Variants in FGD5 observed in about 807,000 individuals in gnomAD.
FGD5 encodes the protein FYVE, RhoGEF and PH domain containing 5.
Under a neutral mutation model 133.4 loss-of-function variants are expected in FGD5, and 28 were observed. The ratio of observed to expected loss-of-function variants is 0.21; its 90% CI spans 0.16 to 0.29. FGD5 has a LOEUF of 0.29. Ranked by LOEUF, FGD5 falls within the 10% of genes least tolerant of loss-of-function variation. FGD5 has a pLI of 1.00. For synonymous variants in FGD5, 810 were observed against 776.5 expected, an observed-to-expected ratio of 1.04 and a Z score of -0.72; for missense variants, 1,858 against 1,895.2, an observed-to-expected ratio of 0.98 and a Z score of 0.36.
At chr3:14,918,892 C>T (rs1575258263) in intron 13 of FGD5, 59 bp downstream of exon 13, 19 of 1,558,066 alleles carry the variant, frequency 1.2e-5, no homozygotes, top group Non-Finnish European at 1.8e-6. Flanking sequence ...TGGGAAGGTT[C>T]AGAACAACAG....
chr3:14,860,946 T>C (rs751590495), intron 1 of FGD5, among the ~76,000 whole-genome samples: 21 of 152,090 alleles, frequency 1.4e-4, no homozygotes, highest in Non-Finnish European at 2.9e-4. Context: ...ACCAGTGCAC[T>C]CCAGCTCAGG....
chr3:14,923,472 T>G, intron 16 of FGD5: 1 of 405,998 alleles, frequency 2.5e-6, no homozygotes, highest in Non-Finnish European at 4.6e-6. Context: ...GAGGCCCTCT[T>G]GTCAAGTATC....
chr3:14,854,022 C>T (rs1192442914), intron 1 of FGD5, among the ~76,000 whole-genome samples: 1 of 102,738 alleles, frequency 9.7e-6, no homozygotes, highest in Non-Finnish European at 2.1e-5. Context: ...TCAGAGCTGG[C>T]CAGAAAGGAC....
rs936826781 is a variant in FGD5, at chr3:14,898,115, G to A, written c.3066+20G>A. The stretch of plus-strand genomic sequence containing the variant: ...TTTGAGGTGGGTCCCTTGGTCCTCT[G>A]AGACCCTGCTGTAAGGATGCAGGGG... On this transcript the variant is annotated intron_variant, in intron 6 of 19. Transcript: ENST00000285046. The A allele has an allele frequency of 3.1e-6, 5 of 1,613,748 alleles. No individual in the cohort carries two copies. In the Admixed American group the frequency reaches 6.7e-5, roughly 22 times the overall value.
chr3:14,825,567 T>A (rs192718981), intron 1 of FGD5, among the ~76,000 whole-genome samples: 1 of 152,152 alleles, frequency 6.6e-6, no homozygotes, highest in Non-Finnish European at 1.5e-5. Context: ...GGAGGATCAC[T>A]TGAGCTAGGA....
Position 14,898,685 on chromosome 3 carries a change from G to A in FGD5, c.3067-54G>A, listed in dbSNP as rs1028361525. ...GTGTATATGGGCTGCTGTGAGCATG[G>A]TGCCTTCAGGAGGGGTTTCTGATAA... On this transcript the variant is annotated intron_variant, in intron 6 of 19. Coordinates refer to ENST00000285046, the MANE Select transcript of FGD5 (RefSeq NM_152536.4). The A allele has an allele frequency of 1.3e-5, 19 of 1,438,526 alleles. No individual in the cohort carries two copies. In the African/African-American group the frequency reaches 2.1e-4, roughly 16 times the overall value. 89.1% of individuals were successfully genotyped at this position (1,438,526 alleles called of 1,614,324 possible). A position where few individuals can be genotyped will look rare whatever the true frequency, so the allele number is the denominator to read the frequency against.
At chr3:14,855,106 C>T (rs2037253330) in intron 1 of FGD5, among the ~76,000 whole-genome samples, 1 of 152,164 alleles carries the variant, frequency 6.6e-6, no homozygotes. Context: ...TGAGTGAGAA[C>T]ATGCAGTGTT....
At chr3:14,918,997 T>C (rs2038619263) in intron 13 of FGD5, among the ~76,000 whole-genome samples, 164 bp downstream of exon 13, 1 of 152,206 alleles carries the variant, frequency 6.6e-6, no homozygotes, top group African/African-American at 2.4e-5. Context: ...TCTTAACCTT[T>C]TGGGGAATTT....
rs541675257 is a variant in FGD5 at position 14,853,072 on chromosome 3, C to G, written c.2526-11056C>G. On this transcript the variant is annotated intron_variant, in intron 1 of 19. Coordinates refer to ENST00000285046, the MANE Select transcript of FGD5 (RefSeq NM_152536.4). ...AGGGTTTCCTGAGGAATCCAGGACC[C>G]CCAGTCCTCTTGGGCTGTTTCCACA... Among the ~76,000 whole-genome samples, 34 of 151,966 alleles carry G rather than the reference C, an allele frequency of 2.2e-4. No individual in the cohort carries two copies. The East Asian group carries it at 6.4e-3, about 28-fold the overall frequency.
intron 1 of FGD5, among the ~76,000 whole-genome samples, chr3:14,852,671 C>G (rs1329585287): frequency 6.6e-6 from 1 of 152,158 alleles, no homozygotes; most frequent in African/African-American, 2.4e-5. Flanking sequence ...GTGGGGATGT[C>G]TCTGGTCAGA....
chr3:14,893,670 A>G (rs1034939686), intron 4 of FGD5, among the ~76,000 whole-genome samples: 7 of 150,662 alleles, frequency 4.6e-5, no homozygotes, highest in African/African-American at 9.8e-5. Context: ...TTCAAAATGT[A>G]TAGTCCATTA....
intron 1 of FGD5, among the ~76,000 whole-genome samples, chr3:14,837,256 T>G (rs961288662): frequency 6.6e-6 from 1 of 152,204 alleles, no homozygotes; most frequent in African/African-American, 2.4e-5. Flanking sequence ...AATAGGAGGC[T>G]GCTGTCTCCA....
chr3:14,885,560 G>C (rs1046800835), intron 4 of FGD5, among the ~76,000 whole-genome samples: 1 of 152,222 alleles, frequency 6.6e-6, no homozygotes, highest in African/African-American at 2.4e-5. Context: ...TCACACATCA[G>C]GTGGTTGAGG....
At chr3:14,867,528 A>G (rs1198091138) in intron 2 of FGD5, among the ~76,000 whole-genome samples, 1 of 152,190 alleles carries the variant, frequency 6.6e-6, no homozygotes, top group Non-Finnish European at 1.5e-5. Flanking sequence ...GAGCAGGCAT[A>G]TTTTAAATCT....
At chr3:14,871,141 C>T (rs1383722583) in intron 2 of FGD5, among the ~76,000 whole-genome samples, 2 of 152,216 alleles carry the variant, frequency 1.3e-5, no homozygotes, top group African/African-American at 4.8e-5. Flanking sequence ...CTGCCATACT[C>T]TGTCACAGCA....
Position 14,933,137 on chromosome 3 carries a change from C to A in FGD5, c.4359C>A (p.Ile1453=). Residue 1453 remains isoleucine (I), a synonymous_variant, in exon 20 of 20, where the codon ATC becomes ATA. Transcript: ENST00000285046. ...AEDTNSAQRW[I]EAMEDASVL ...TCCCTGTTTTGTTTTATAGGTGGAT[C>A]GAGGCCATGGAAGATGCGAGTGTGT... 1 of 1,613,488 alleles carries A rather than the reference C, an allele frequency of 6.2e-7. No individual in the cohort carries two copies. Among genetic ancestry groups the A allele is most frequent in the Non-Finnish European group, 8.5e-7 (1 of 1,179,718 alleles).
intron 1 of FGD5, among the ~76,000 whole-genome samples, chr3:14,842,164 A>T (rs1355556879): frequency 6.6e-6 from 1 of 152,208 alleles, no homozygotes; most frequent in Non-Finnish European, 1.5e-5. Context: ...GAGGAGTCCA[A>T]GGGGAGCTTC....
chr3:14,871,669 T>G (rs934687650), intron 2 of FGD5, among the ~76,000 whole-genome samples: 1 of 152,196 alleles, frequency 6.6e-6, no homozygotes, highest in Non-Finnish European at 1.5e-5. Context: ...TGGGTACGTG[T>G]ATGCCTCACA....
At chr3:14,914,300 C>T (rs964983672) in intron 11 of FGD5, among the ~76,000 whole-genome samples, 2 of 152,208 alleles carry the variant, frequency 1.3e-5, no homozygotes, top group Non-Finnish European at 2.9e-5. Context: ...TGTTAGACTG[C>T]GGAAAGTGTC....
Sources: allele counts gnomAD v4.1 joint callset (sites outside exome capture counted in the v4.1 genomes callset), GRCh38; gene constraint gnomAD v4.1.1; transcripts MANE v1.5; gene names NCBI Gene and HGNC (gene_info 2026-07-23, HGNC 2026-07-21).